CCDC33: variants seen among roughly 807,000 people sequenced by gnomAD.
CCDC33 encodes coiled-coil domain containing 33, also known as coiled-coil domain-containing protein 33.
In CCDC33, 94 loss-of-function variants were observed where a neutral mutation model predicts 91.9. The ratio of observed to expected loss-of-function variants is 1.02; its 90% CI spans 0.87 to 1.21. CCDC33 has a LOEUF of 1.21. Ranked by LOEUF, CCDC33 falls within the 50% of genes most tolerant of loss-of-function variation. The pLI, the probability that CCDC33 is intolerant of heterozygous loss-of-function variation, is 0.00. For synonymous variants in CCDC33, 396 were observed against 374.5 expected (o/e 1.06, Z -0.66); for missense variants, 940 against 935.5 (o/e 1.00, Z -0.06).
At chr15:74,331,404 T>G in intron 15 of CCDC33, 108 bp downstream of exon 15, 1 of 1,099,014 alleles carries the variant, frequency 9.1e-7, no homozygotes, top group Non-Finnish European at 1.3e-6. Context: ...AGAGGTCCCC[T>G]GCACTCAGTT....
At chr15:74,295,689 G>C in intron 10 of CCDC33, 65 bp from the exon 11 acceptor site, 1 of 1,412,926 alleles carries the variant, frequency 7.1e-7, no homozygotes, top group Non-Finnish European at 9.7e-7. Flanking sequence ...TAGATGGTGT[G>C]CTTATGGTAG....
intron 7 of CCDC33, among the ~76,000 whole-genome samples, chr15:74,275,691 C>T (rs777430502): frequency 6.7e-6 from 1 of 149,710 alleles, no homozygotes. Context: ...TTTTTTTTTG[C>T]GACCAAGTCT....
chr15:74,273,775 T>C (rs1236217634), intron 7 of CCDC33, among the ~76,000 whole-genome samples: 2 of 151,346 alleles, frequency 1.3e-5, no homozygotes, highest in South Asian at 4.2e-4. Flanking sequence ...AGCGAAAAAT[T>C]TTTTTTAATC....
intron 10 of CCDC33, among the ~76,000 whole-genome samples, chr15:74,283,829 A>G (rs1309801632): frequency 1.2e-5 from 1 of 81,296 alleles, no homozygotes; most frequent in Non-Finnish European, 3.3e-5. Flanking sequence ...CCCCCTCTAC[A>G]TATACACTCT....
chr15:74,279,597 G>A (rs1030569166), intron 7 of CCDC33, among the ~76,000 whole-genome samples: 9 of 152,010 alleles, frequency 5.9e-5, no homozygotes, highest in African/African-American at 1.5e-4. Context: ...GTACAGTGGC[G>A]CAATCTCATC....
chr15:74,332,960 A>C (rs978289507), intron 16 of CCDC33, 115 bp downstream of exon 16: 2 of 1,289,886 alleles, frequency 1.6e-6, no homozygotes, highest in Non-Finnish European at 2.1e-6. Flanking sequence ...CAGGGTCTCC[A>C]GTCTGCCTGG....
intron 2 of CCDC33, among the ~76,000 whole-genome samples, chr15:74,222,625 C>T (rs568229129): frequency 2.0e-5 from 3 of 151,262 alleles, no homozygotes; most frequent in Admixed American, 6.6e-5. Flanking sequence ...AATCACCAAA[C>T]GCCAAGCACC....
At chr15:74,220,704 G>A in intron 2 of CCDC33, among the ~76,000 whole-genome samples, 1 of 152,220 alleles carries the variant, frequency 6.6e-6, no homozygotes, top group East Asian at 1.9e-4. Flanking sequence ...TAAAGTGTCA[G>A]ATGTCTGCTT....
rs2074504488 is a variant in CCDC33 at position 74,218,472 on chromosome 15, C to T, written c.311-25C>T. On this transcript the variant is annotated intron_variant, in intron 1 of 2. Transcript: ENST00000635913. The surrounding 1 kb of genome is among the most constrained non-coding windows in gnomAD (Gnocchi z 4.8). ...GATGCAGAGAAACCTGAGACCATCT[C>T]TGAGCCCTGTGTTCCCTCATCCAGG... 1 of 1,260,378 alleles carries T rather than the reference C, an allele frequency of 7.9e-7. No individual in the cohort carries two copies. The highest frequency in any genetic ancestry group is 1.0e-6 in the Non-Finnish European group (1 of 973,022). The allele number at this position is 1,260,378 out of a possible 1,614,324, so 78.1% of individuals were successfully genotyped here. A position where few individuals can be genotyped will look rare whatever the true frequency, so the allele number is the denominator to read the frequency against.
At chr15:74,241,661 G>A (rs1390246918) in intron 1 of CCDC33, among the ~76,000 whole-genome samples, 5 of 152,240 alleles carry the variant, frequency 3.3e-5, no homozygotes, top group Admixed American at 3.3e-4. Context: ...CTGGCGATTG[G>A]ATGGGGTGGA....
chr15:74,290,488 G>A (rs1004410227), intron 10 of CCDC33, among the ~76,000 whole-genome samples: 1 of 152,180 alleles, frequency 6.6e-6, no homozygotes, highest in East Asian at 1.9e-4. Flanking sequence ...CACCCCAACA[G>A]ATCACTATCA....
upstream of CCDC33, among the ~76,000 whole-genome samples, chr15:74,232,659 G>T (rs1328903938): frequency 3.9e-5 from 6 of 152,224 alleles, no homozygotes; most frequent in Non-Finnish European, 8.8e-5. Flanking sequence ...GCTCATAGCT[G>T]TGTGATCTTG....
intron 2 of CCDC33, among the ~76,000 whole-genome samples, chr15:74,245,192 C>G (rs902544359): frequency 1.3e-5 from 2 of 152,182 alleles, no homozygotes; most frequent in East Asian, 3.9e-4. Flanking sequence ...TCCTCCATTT[C>G]CCTCAACAAT....
At chr15:74,276,651 C>T (rs2076458948) in intron 7 of CCDC33, among the ~76,000 whole-genome samples, 1 of 152,242 alleles carries the variant, frequency 6.6e-6, no homozygotes, top group South Asian at 2.1e-4. Context: ...AAATCCCACT[C>T]TCAGCCAGGT....
chr15:74,273,744 C>T (rs2076380718), intron 7 of CCDC33, among the ~76,000 whole-genome samples: 1 of 151,672 alleles, frequency 6.6e-6, no homozygotes, highest in South Asian at 2.1e-4. Context: ...GCTGGGATTA[C>T]AGGCATGAGT....
intron 11 of CCDC33, among the ~76,000 whole-genome samples, chr15:74,306,844 C>T (rs749379176): frequency 2.0e-5 from 3 of 152,116 alleles, no homozygotes; most frequent in African/African-American, 4.8e-5. Context: ...AATTTACTGC[C>T]GAGAGAGGGT....
At chr15:74,324,475 C>T (rs1235655785) in intron 11 of CCDC33, among the ~76,000 whole-genome samples, 1 of 151,994 alleles carries the variant, frequency 6.6e-6, no homozygotes, top group Non-Finnish European at 1.5e-5. Flanking sequence ...AGCCGCAAGA[C>T]TCAAGCGGAA....
intron 1 of CCDC33, chr15:74,217,590 T>C (rs2074478976): frequency 1.6e-6 from 2 of 1,216,172 alleles, no homozygotes; most frequent in South Asian, 1.5e-5. Flanking sequence ...AGGTATGAAG[T>C]AGGGGTGGGG....
chr15:74,208,689 C>T, intron 1 of CCDC33: 3 of 985,660 alleles, frequency 3.0e-6, no homozygotes, highest in Non-Finnish European at 3.6e-6. Flanking sequence ...TCACTTCCTG[C>T]CCCTAGGCTC....
Sources: gnomAD v4.1 joint callset for allele counts (sites outside exome capture counted in the v4.1 genomes callset) on GRCh38, gnomAD v4.1.1 for gene constraint, Gnocchi (gnomAD v3.1) non-coding constraint, MANE v1.5 for transcripts, NCBI Gene and HGNC (gene_info 2026-07-23, HGNC 2026-07-21) for gene names.